Variants in ROBO2 observed in about 807,000 individuals in gnomAD.
ROBO2 encodes roundabout homolog 2.
In ROBO2, 53 loss-of-function variants were observed where a neutral mutation model predicts 160.8. The ratio of observed to expected loss-of-function variants is 0.33; its 90% confidence interval spans 0.26 to 0.41. The LOEUF (loss-of-function observed/expected upper bound fraction) is 0.41, where lower values mean the gene tolerates loss of function less well. Ranked by LOEUF, ROBO2 falls within the 10% of genes least tolerant of loss-of-function variation. The pLI is 1.00. For missense variants in ROBO2, 1,577 were observed against 1,722.4 expected, an observed-to-expected ratio of 0.92 and a Z score of 1.49; for synonymous variants, 664 against 611.7, an observed-to-expected ratio of 1.09 and a Z score of -1.26.
chr3:76,356,686 C>T (rs1206728043), intron 2 of ROBO2, among the ~76,000 whole-genome samples: 4 of 151,614 alleles, frequency 2.6e-5, no homozygotes, highest in Non-Finnish European at 4.4e-5. Flanking sequence ...ACATATCTAC[C>T]GTCATAATTG....
At chr3:75,924,982 C>T (rs1361711806) in intron 1 of ROBO2, among the ~76,000 whole-genome samples, 2 of 151,942 alleles carry the variant, frequency 1.3e-5, no homozygotes, top group East Asian at 1.9e-4. Context: ...GCCACCGCGC[C>T]GGCCGGGAAT....
intron 2 of ROBO2, among the ~76,000 whole-genome samples, chr3:76,205,877 C>T (rs1330365466): frequency 6.6e-6 from 1 of 152,170 alleles, no homozygotes; most frequent in Non-Finnish European, 1.5e-5. Flanking sequence ...GACACACTAG[C>T]ATCTGGCTAT....
At chr3:76,828,846 C>T (rs2066810764) in intron 2 of ROBO2, among the ~76,000 whole-genome samples, 1 of 151,956 alleles carries the variant, frequency 6.6e-6, no homozygotes, top group African/African-American at 2.4e-5. Context: ...TGCCAAAAGA[C>T]AGATGTTTTT....
At chr3:76,504,878 T>G (rs1378858482) in intron 2 of ROBO2, among the ~76,000 whole-genome samples, 1 of 152,124 alleles carries the variant, frequency 6.6e-6, no homozygotes, top group African/African-American at 2.4e-5. Flanking sequence ...GCCGCTAGCG[T>G]TAGGCTATTG....
chr3:76,973,459 T>C (rs2059667994), intron 2 of ROBO2, among the ~76,000 whole-genome samples: 1 of 151,898 alleles, frequency 6.6e-6, no homozygotes, highest in African/African-American at 2.4e-5. Context: ...AATAAGAATA[T>C]CATAGAAAGA....
intron 2 of ROBO2, among the ~76,000 whole-genome samples, chr3:77,284,989 C>T (rs1285706366): frequency 2.0e-5 from 3 of 152,116 alleles, no homozygotes; most frequent in Non-Finnish European, 4.4e-5. Flanking sequence ...TTGCCACACA[C>T]ATCAACATGG....
chr3:77,349,018 C>G (rs184408156), intron 2 of ROBO2, among the ~76,000 whole-genome samples: 1 of 152,216 alleles, frequency 6.6e-6, no homozygotes, highest in African/African-American at 2.4e-5. Context: ...GTTTTGTATT[C>G]CTGTTTCCTG....
At chr3:77,545,156 G>T (rs182295127) in intron 6 of ROBO2, among the ~76,000 whole-genome samples, 16 of 152,128 alleles carry the variant, frequency 1.1e-4, no homozygotes, top group Admixed American at 2.0e-4. Context: ...GGTTAAAGCT[G>T]CCAAAAATTA....
intron 2 of ROBO2, among the ~76,000 whole-genome samples, chr3:76,040,859 G>A (rs1041588781): frequency 2.4e-4 from 37 of 151,866 alleles, no homozygotes; most frequent in African/African-American, 7.3e-4. Flanking sequence ...GTGGTGGGGT[G>A]CATCTGTAGT....
chr3:76,134,682 A>G (rs1299868971), intron 2 of ROBO2, among the ~76,000 whole-genome samples: 1 of 151,826 alleles, frequency 6.6e-6, no homozygotes, highest in Non-Finnish European at 1.5e-5. Flanking sequence ...CAGCCTTGTG[A>G]CCCCTTACGA....
chr3:77,589,633 G>A (rs1478985351), intron 17 of ROBO2, among the ~76,000 whole-genome samples: 1 of 152,048 alleles, frequency 6.6e-6, no homozygotes, highest in Non-Finnish European at 1.5e-5. Flanking sequence ...AGAGTTTCAA[G>A]GGTGTCCTAT....
At chr3:77,070,946 C>T (rs751699907) in intron 1 of ROBO2, among the ~76,000 whole-genome samples, 17 of 151,978 alleles carry the variant, frequency 1.1e-4, no homozygotes, top group South Asian at 2.1e-4. Context: ...CCGATGGATT[C>T]GATATACACC....
chr3:77,179,102 C>A (rs1476225544), intron 2 of ROBO2, among the ~76,000 whole-genome samples: 2 of 151,860 alleles, frequency 1.3e-5, no homozygotes, highest in African/African-American at 4.8e-5. Flanking sequence ...TGCTTAGAAA[C>A]ACTGAAAATG....
chr3:77,179,904 G>A (rs1478181350), intron 2 of ROBO2, among the ~76,000 whole-genome samples: 2 of 152,070 alleles, frequency 1.3e-5, no homozygotes, highest in African/African-American at 2.4e-5. Context: ...ACAGGAGCCC[G>A]TTTGTAATTA....
intron 2 of ROBO2, among the ~76,000 whole-genome samples, chr3:76,961,102 G>C (rs1229803427): frequency 2.0e-5 from 3 of 151,934 alleles, no homozygotes; most frequent in African/African-American, 4.8e-5. Flanking sequence ...TTTTCAATCA[G>C]ATAATTTTTG....
intron 2 of ROBO2, among the ~76,000 whole-genome samples, chr3:76,365,300 G>A (rs1055132898): frequency 3.9e-5 from 6 of 151,972 alleles, no homozygotes; most frequent in African/African-American, 1.2e-4. Context: ...TACGATTCCT[G>A]TACAGGTAGA....
intron 2 of ROBO2, among the ~76,000 whole-genome samples, chr3:75,986,498 C>T (rs1327060864): frequency 6.7e-6 from 1 of 149,742 alleles, no homozygotes. Context: ...TCTGGGTTGC[C>T]GTTTTATTCT....
At chr3:76,939,957 A>G (rs551856905) in intron 2 of ROBO2, among the ~76,000 whole-genome samples, 32 of 150,950 alleles carry the variant, frequency 2.1e-4, no homozygotes, top group African/African-American at 7.0e-4. Context: ...GAAAGGTGGC[A>G]GAGGAAGGAC....
In ROBO2 at chr3:76,054,469, C is replaced by A. The variant is rs79165041; in HGVS notation, c.109+116867C>A. Among the ~76,000 whole-genome samples, 592 of 152,256 alleles carry A rather than the reference C, an allele frequency of 3.9e-3. 1 individual carries two copies. Among genetic ancestry groups the A allele is most frequent in the Non-Finnish European group, 6.6e-3 (452 of 68,004 alleles). On this transcript the variant is annotated intron_variant, in intron 2 of 26. Coordinates refer to the ROBO2 transcript ENST00000487694. ...AAGTTAACTATACCCCTGTTGTTCA[C>A]TGTTATCATGGCTTTCATTTTTCTA...
Sources: gnomAD v4.1 joint callset for allele counts (sites outside exome capture counted in the v4.1 genomes callset) on GRCh38, gnomAD v4.1.1 for gene constraint, MANE v1.5 for transcripts, NCBI Gene and HGNC (gene_info 2026-07-23, HGNC 2026-07-21) for gene names.